LDLRAD4: variants seen among roughly 807,000 people sequenced by gnomAD.
LDLRAD4 encodes low-density lipoprotein receptor class A domain-containing protein 4.
In LDLRAD4, 5 loss-of-function variants were observed where a neutral mutation model predicts 17.0. The observed-to-expected ratio is 0.29, with a 90% CI of 0.15 to 0.62. The LOEUF (loss-of-function observed/expected upper bound fraction) is 0.62. Among genes scored for constraint, LDLRAD4 ranks in the 20% least tolerant of loss-of-function variants. The pLI, the probability that LDLRAD4 is intolerant of heterozygous loss-of-function variation, is 0.84. For synonymous variants in LDLRAD4, 168 were observed against 171.8 expected (o/e 0.98, Z 0.17); for missense variants, 340 against 424.7 (o/e 0.80, Z 1.75).
At chr18:13,304,020 C>T (rs2046762336) in intron 1 of LDLRAD4, among the ~76,000 whole-genome samples, 1 of 152,208 alleles carries the variant, frequency 6.6e-6, no homozygotes, top group Non-Finnish European at 1.5e-5. Context: ...AAAGCAAGCA[C>T]CTGGAAGGAT....
intron 3 of LDLRAD4, among the ~76,000 whole-genome samples, chr18:13,523,798 C>G (rs2093988952): frequency 6.6e-6 from 1 of 152,194 alleles, no homozygotes; most frequent in Admixed American, 6.5e-5. Flanking sequence ...TGGGCTCTCC[C>G]TGGTGACACG....
At chr18:13,443,163 C>G (rs1314443415) in intron 3 of LDLRAD4, among the ~76,000 whole-genome samples, 1 of 152,206 alleles carries the variant, frequency 6.6e-6, no homozygotes, top group African/African-American at 2.4e-5. Context: ...AGGGTAATAA[C>G]AACCAAATAA....
intron 3 of LDLRAD4, among the ~76,000 whole-genome samples, chr18:13,507,612 C>A (rs1435134458): frequency 6.6e-6 from 1 of 152,126 alleles, no homozygotes. Flanking sequence ...GTGAATTGTG[C>A]TGCTATAAAC....
chr18:13,531,923 T>C (rs149484546), intron 3 of LDLRAD4, among the ~76,000 whole-genome samples: 31 of 152,272 alleles, frequency 2.0e-4, no homozygotes, highest in African/African-American at 7.5e-4. Flanking sequence ...CCTGGCCCTC[T>C]GGAGACAGAG....
chr18:13,346,131 G>A lies in LDLRAD4; in HGVS notation c.-382-41210G>A, dbSNP rs185225261. Among the ~76,000 whole-genome samples, 4 of 152,232 alleles carry A rather than the reference G, an allele frequency of 2.6e-5. No homozygotes were observed. The East Asian group carries it at 7.7e-4, about 29-fold the overall frequency. ...TCTTGCCTTATGCTAGCTTTTGAAT[G>A]TGTTTGCTCTTGCTTCTCTAGTTCT... On this transcript the variant is annotated intron_variant, in intron 1 of 5. Coordinates refer to ENST00000359446, the Ensembl canonical transcript of LDLRAD4.
intron 2 of LDLRAD4, among the ~76,000 whole-genome samples, chr18:13,415,563 G>T (rs968263041): frequency 4.6e-5 from 7 of 152,156 alleles, no homozygotes; most frequent in African/African-American, 1.7e-4. Context: ...GCTGTCTGAG[G>T]AGCTGCTCTT....
intron 1 of LDLRAD4, among the ~76,000 whole-genome samples, chr18:13,306,594 C>T (rs952134878): frequency 4.6e-5 from 7 of 152,148 alleles, no homozygotes; most frequent in South Asian, 2.1e-4. Context: ...AGGATAATAA[C>T]GCTGTGAAGG....
chr18:13,595,373 C>A (rs1389424574), intron 3 of LDLRAD4, among the ~76,000 whole-genome samples: 5 of 152,072 alleles, frequency 3.3e-5, no homozygotes, highest in Admixed American at 2.6e-4. Flanking sequence ...TCAGAGTATT[C>A]CTGTAGCTGT....
rs1203162116 is a variant in LDLRAD4 at position 13,645,724 on chromosome 18, T to C, written c.*67T>C. On this transcript the variant is annotated 3_prime_UTR_variant, in exon 6 of 6. Transcript: ENST00000359446. The surrounding 1 kb of genome is among the most constrained non-coding windows in gnomAD (Gnocchi z 5.7). ...AGGGAAGCGGCCGCTGGGCCCCTCC[T>C]GCGCACAGTGTTGTTCAGTTTCACA... 1.4e-5 allele frequency: 18 copies of C among 1,280,928 alleles called. No homozygotes were observed. The East Asian group carries it at 4.0e-4, about 29-fold the overall frequency. 79.3% of individuals were successfully genotyped at this position (1,280,928 alleles called of 1,614,324 possible).
chr18:13,402,498 TA>T (rs990794792), intron 2 of LDLRAD4, among the ~76,000 whole-genome samples: 1 of 152,322 alleles, frequency 6.6e-6, no homozygotes, highest in African/African-American at 2.4e-5. Context: ...AAAAGAGACT[TA>T]CGAAAAATTA....
At chr18:13,453,232 G>C (rs757674202) in intron 3 of LDLRAD4, among the ~76,000 whole-genome samples, 1 of 152,112 alleles carries the variant, frequency 6.6e-6, no homozygotes, top group South Asian at 2.1e-4. Context: ...GCACGTGCTC[G>C]CGTTTTGGAA....
intron 4 of LDLRAD4, among the ~76,000 whole-genome samples, chr18:13,643,022 G>A (rs557975465): frequency 2.0e-5 from 3 of 150,262 alleles, no homozygotes; most frequent in Non-Finnish European, 4.4e-5. Context: ...TGCAACCTCC[G>A]CGTCCCAGGT....
intron 3 of LDLRAD4, chr18:13,521,623 G>A (rs2093954392): frequency 6.6e-6 from 1 of 152,062 alleles, no homozygotes. Flanking sequence ...GAAGAAGGGA[G>A]CAGTTGCTGC....
At chr18:13,649,034 T>A (rs79249057) in exon 6 of LDLRAD4, 1 of 152,104 alleles carries the variant, frequency 6.6e-6, no homozygotes, top group Non-Finnish European at 1.5e-5. Flanking sequence ...CCCCACCACA[T>A]AAACACATGG....
chr18:13,268,812 T>C (rs1316938075), intron 1 of LDLRAD4, among the ~76,000 whole-genome samples: 1 of 152,242 alleles, frequency 6.6e-6, no homozygotes, highest in Non-Finnish European at 1.5e-5. Context: ...TGTTTGGCAG[T>C]GTCCACTTTT....
At chr18:13,346,889 A>C (rs1460408292) in intron 1 of LDLRAD4, among the ~76,000 whole-genome samples, 1 of 152,188 alleles carries the variant, frequency 6.6e-6, no homozygotes, top group Non-Finnish European at 1.5e-5. Flanking sequence ...ATCAGAGACT[A>C]GGATTGCAAC....
intron 3 of LDLRAD4, among the ~76,000 whole-genome samples, chr18:13,577,757 C>T (rs972454993): frequency 6.6e-6 from 1 of 152,082 alleles, no homozygotes; most frequent in African/African-American, 2.4e-5. Flanking sequence ...TAGGCAAATT[C>T]TAATGTAGTT....
At chr18:13,607,969 G>T (rs2095240923) in intron 3 of LDLRAD4, among the ~76,000 whole-genome samples, 1 of 152,160 alleles carries the variant, frequency 6.6e-6, no homozygotes, top group African/African-American at 2.4e-5. Context: ...CCAGTAATGG[G>T]ACTGCTGGGC....
chr18:13,469,505 A>G (rs2092711476), intron 3 of LDLRAD4, among the ~76,000 whole-genome samples: 1 of 152,252 alleles, frequency 6.6e-6, no homozygotes, highest in African/African-American at 2.4e-5. Flanking sequence ...ACTGATGAAG[A>G]GATAAAAAAT....
Sources: gnomAD v4.1 joint callset for allele counts (sites outside exome capture counted in the v4.1 genomes callset) on GRCh38, gnomAD v4.1.1 for gene constraint, Gnocchi (gnomAD v3.1) non-coding constraint, MANE v1.5 for transcripts, NCBI Gene and HGNC (gene_info 2026-07-23, HGNC 2026-07-21) for gene names.